ADAMTS2: variants seen among roughly 807,000 people sequenced by gnomAD.
ADAMTS2 encodes A disintegrin and metalloproteinase with thrombospondin motifs 2.
A neutral mutation model predicts 123.0 loss-of-function variants in ADAMTS2; 50 were observed. The observed-to-expected ratio is 0.41, with a 90% CI of 0.32 to 0.51. The LOEUF is 0.51. Among genes scored for constraint, ADAMTS2 ranks in the 20% least tolerant of loss-of-function variants. ADAMTS2 has a pLI of 0.35. For synonymous variants in ADAMTS2, 678 were observed against 695.4 expected, an observed-to-expected ratio of 0.98 and a Z score of 0.39; for missense variants, 1,494 against 1,705.2, an observed-to-expected ratio of 0.88 and a Z score of 2.18.
At chr5:179,231,290 T>C (rs1765407494) in intron 3 of ADAMTS2, among the ~76,000 whole-genome samples, 1 of 152,204 alleles carries the variant, frequency 6.6e-6, no homozygotes, top group Non-Finnish European at 1.5e-5. Flanking sequence ...TTAGTGATGC[T>C]GGACGAGTAA....
chr5:179,193,076 T>C (rs993763194), intron 4 of ADAMTS2, among the ~76,000 whole-genome samples: 2 of 152,150 alleles, frequency 1.3e-5, no homozygotes, highest in Non-Finnish European at 2.9e-5. Context: ...AGACACCAAC[T>C]CTGTGACCAA....
intron 13 of ADAMTS2, among the ~76,000 whole-genome samples, chr5:179,134,471 C>A (rs1214093458): frequency 6.6e-6 from 1 of 152,190 alleles, no homozygotes; most frequent in East Asian, 1.9e-4. Context: ...TGGAATGATT[C>A]AAACTGGCCA....
At chr5:179,232,362 T>C (rs944207857) in intron 3 of ADAMTS2, among the ~76,000 whole-genome samples, 4 of 152,228 alleles carry the variant, frequency 2.6e-5, no homozygotes, top group African/African-American at 4.8e-5. Context: ...ACCTCGTCTA[T>C]AGTTGCCCAC....
rs1416061484 is a variant in ADAMTS2, at chr5:179,225,302, A to G, written c.689-17587T>C. 6.6e-6 allele frequency among the ~76,000 whole-genome samples: 1 copy of G among 152,216 alleles called. No homozygotes were observed. The highest frequency in any genetic ancestry group is 6.5e-5 in the Admixed American group (1 of 15,272). ...AACAGGAAACAATCCAGCAATCCAA[A>G]AGGGAAATGGACAAACGGTATTGAT... is the stretch of plus-strand genomic sequence containing the variant. On this transcript the variant is annotated intron_variant, in intron 3 of 21. Transcript: ENST00000251582. The surrounding 1 kb of genome is among the most constrained non-coding windows in gnomAD (Gnocchi z 4.5).
intron 3 of ADAMTS2, among the ~76,000 whole-genome samples, chr5:179,221,904 G>C (rs958597477): frequency 6.6e-6 from 1 of 152,086 alleles, no homozygotes; most frequent in African/African-American, 2.4e-5. Context: ...TGAGGAGCAG[G>C]CCTGCCCAAC....
rs1346726051 is a variant in ADAMTS2 at position 179,197,206 on chromosome 5, G to T, written c.891+10307C>A. 1.3e-5 allele frequency among the ~76,000 whole-genome samples: 2 copies of T among 152,196 alleles called. No homozygotes were observed. The highest frequency in any genetic ancestry group is 2.4e-5 in the African/African-American group (1 of 41,446). On this transcript the variant is annotated intron_variant, in intron 4 of 21. Transcript: ENST00000251582. The surrounding 1 kb of genome is among the most constrained non-coding windows in gnomAD (Gnocchi z 4.2). ...AGGCTGGGTATCACCCACTGCAATG[G>T]TCTGCCTCCTGTCTACAAGGAGTGC... is the stretch of plus-strand genomic sequence containing the variant.
In ADAMTS2 at chr5:179,118,148, G is replaced by A. The variant is rs143045466; in HGVS notation, c.3178+3513C>T. 3.0e-3 allele frequency among the ~76,000 whole-genome samples: 454 copies of A among 152,144 alleles called. 2 individuals are homozygous for A. The highest frequency in any genetic ancestry group is 9.8e-3 in the African/African-American group (408 of 41,510). On this transcript the variant is annotated intron_variant, in intron 21 of 21. Coordinates refer to ENST00000251582, the MANE Select transcript of ADAMTS2 (RefSeq NM_014244.5). The surrounding 1 kb of genome is among the most constrained non-coding windows in gnomAD (Gnocchi z 4.5). ...TCTTAGTTTAAAAAAATAAAAATAC[G>A]TCAATGAGTAAATACAAAATTGAAA...
At chr5:179,205,499 G>C (rs1290093933) in intron 4 of ADAMTS2, among the ~76,000 whole-genome samples, 1 of 152,240 alleles carries the variant, frequency 6.6e-6, no homozygotes, top group East Asian at 1.9e-4. Context: ...CGTTCCCAAC[G>C]ACGCGCCTGG....
At chr5:179,281,886 T>C (rs1289652232) in intron 2 of ADAMTS2, among the ~76,000 whole-genome samples, 2 of 152,236 alleles carry the variant, frequency 1.3e-5, no homozygotes, top group Admixed American at 6.5e-5. Context: ...TCGGCTTGCA[T>C]TTCCCTGACA....
At chr5:179,315,302 T>TCTGGAAAGCACTGAGGCCACAGTTGGCTG in intron 2 of ADAMTS2, among the ~76,000 whole-genome samples, 2 of 152,182 alleles carry the variant, frequency 1.3e-5, no homozygotes, top group African/African-American at 2.4e-5. Context: ...ACAGTTGGCT[T>TCTGGAAAGCACTGAGGCCACAGTTGGCTG]CTGGAAAGCA....
At chr5:179,230,993 A>G (rs1765400107) in intron 3 of ADAMTS2, among the ~76,000 whole-genome samples, 1 of 151,724 alleles carries the variant, frequency 6.6e-6, no homozygotes, top group African/African-American at 2.4e-5. Flanking sequence ...CCTGGGCAAC[A>G]GAGCGAAACT....
At chr5:179,232,022 C>T (rs538978377) in intron 3 of ADAMTS2, among the ~76,000 whole-genome samples, 1 of 152,208 alleles carries the variant, frequency 6.6e-6, no homozygotes, top group African/African-American at 2.4e-5. Context: ...AAAATGAGAA[C>T]TCCACAGTTG....
chr5:179,207,593 G>A lies in ADAMTS2; in HGVS notation c.811C>T (p.Leu271=). The stretch of plus-strand genomic sequence containing the variant: ...ACCACAGAGTCATCCACGCCCAGCA[G>A]GACCTCGATGTTGTAGTCATCGTCC... ...AADDDYNIEV[L]LGVDDSVVQF... Residue 271 remains leucine (L), a synonymous_variant, in exon 4 of 22, where the codon CTG becomes TTG. Transcript: ENST00000251582. 1.2e-6 allele frequency: 2 copies of A among 1,613,742 alleles called. No individual in the cohort carries two copies. Among genetic ancestry groups the A allele is most frequent in the Non-Finnish European group, 1.7e-6 (2 of 1,180,014 alleles).
chr5:179,165,397 C>T (rs903609528), intron 5 of ADAMTS2, among the ~76,000 whole-genome samples: 1 of 152,232 alleles, frequency 6.6e-6, no homozygotes, highest in Non-Finnish European at 1.5e-5. Flanking sequence ...TTCACCAGCT[C>T]GCCCTGGTCA....
chr5:179,265,705 C>G (rs1472129001), intron 3 of ADAMTS2, among the ~76,000 whole-genome samples: 1 of 152,244 alleles, frequency 6.6e-6, no homozygotes, highest in Non-Finnish European at 1.5e-5. Context: ...CCCGCCCACC[C>G]CTTCCGCGTG....
At chr5:179,199,754 T>A (rs1430606265) in intron 4 of ADAMTS2, among the ~76,000 whole-genome samples, 1 of 152,202 alleles carries the variant, frequency 6.6e-6, no homozygotes, top group East Asian at 1.9e-4. Context: ...CATAAACTTC[T>A]GGTCAGCCTG....
In ADAMTS2 at chr5:179,307,031, G is replaced by C. The variant is rs1430849028; in HGVS notation, c.535-33967C>G. Among the ~76,000 whole-genome samples the C allele has an allele frequency of 6.6e-6, 1 of 152,148 alleles. No individual in the cohort carries two copies. The highest frequency in any genetic ancestry group is 2.4e-5 in the African/African-American group (1 of 41,432). On this transcript the variant is annotated intron_variant, in intron 2 of 21. Coordinates refer to ENST00000251582, the MANE Select transcript of ADAMTS2 (RefSeq NM_014244.5). This position sits in a 1 kb window ranked among gnomAD's most constrained non-coding sequence, Gnocchi z 5.6. ...TTGTGGCCCTGGCAGGATCAACCCT[G>C]GGCCTGAGTCCTTGGAGGTGAGGCC...
chr5:179,208,043 C>T (rs1042264195), intron 3 of ADAMTS2, among the ~76,000 whole-genome samples: 1 of 148,330 alleles, frequency 6.7e-6, no homozygotes, highest in East Asian at 2.0e-4. Flanking sequence ...AGACCCAGCC[C>T]AGCATCACCG....
chr5:179,299,388 C>G (rs28457147), intron 2 of ADAMTS2, among the ~76,000 whole-genome samples: 2,261 of 3,068 alleles, frequency 0.74, 999 homozygotes, highest in Middle Eastern at 1. Flanking sequence ...AATCAGCCGG[C>G]CGTGGTGGCG....
Sources: allele counts gnomAD v4.1 joint callset (sites outside exome capture counted in the v4.1 genomes callset), GRCh38; gene constraint gnomAD v4.1.1; non-coding constraint Gnocchi (gnomAD v3.1); transcripts MANE v1.5; gene names NCBI Gene and HGNC (gene_info 2026-07-23, HGNC 2026-07-21).